NAV3: variants seen among roughly 807,000 people sequenced by gnomAD.
NAV3 encodes the protein neuron navigator 3, also known as pore membrane and/or filament interacting like protein 1.
NAV3 carries 87 observed loss-of-function variants against 244.7 expected under a neutral mutation model. The observed-to-expected ratio is 0.36, with a 90% CI of 0.30 to 0.42. The LOEUF is 0.42. Ranked by LOEUF, NAV3 falls within the 20% of genes least tolerant of loss-of-function variation. The pLI is 1.00. For missense variants in NAV3, 2,663 were observed against 2,893.3 expected, an observed-to-expected ratio of 0.92 and a Z score of 1.83; for synonymous variants, 1,126 against 1,042.2, an observed-to-expected ratio of 1.08 and a Z score of -1.55.
At chr12:77,925,503 G>T (rs140391753) in intron 1 of NAV3, among the ~76,000 whole-genome samples, 25 of 148,782 alleles carry the variant, frequency 1.7e-4, no homozygotes, top group South Asian at 6.5e-4. Context: ...AGCAATTGTG[G>T]TGCATTACAA....
At chr12:77,578,413 G>T (rs1844769) in intron 2 of NAV3, among the ~76,000 whole-genome samples, 18,518 of 152,074 alleles carry the variant, frequency 0.12, 1,823 homozygotes, top group African/African-American at 0.28. Flanking sequence ...GTGGCCTTTA[G>T]TTTCTATCTT....
chr12:77,806,131 T>G (rs190346545), intron 2 of NAV3, among the ~76,000 whole-genome samples: 36 of 152,298 alleles, frequency 2.4e-4, no homozygotes, highest in African/African-American at 8.7e-4. Flanking sequence ...CTGGGTTCAT[T>G]GATTTTTTGA....
chr12:77,626,062 C>T (rs550674188), intron 2 of NAV3, among the ~76,000 whole-genome samples: 10 of 151,936 alleles, frequency 6.6e-5, no homozygotes, highest in Non-Finnish European at 1.3e-4. Context: ...AAAAACAACT[C>T]GTGATCTAAA....
At chr12:78,046,783 C>A (rs1881868111) in intron 9 of NAV3, among the ~76,000 whole-genome samples, 1 of 152,070 alleles carries the variant, frequency 6.6e-6, no homozygotes, top group Non-Finnish European at 1.5e-5. Context: ...TCCTGAATAT[C>A]TTTGTTAATT....
intron 1 of NAV3, among the ~76,000 whole-genome samples, chr12:77,898,761 C>A (rs1017595655): frequency 6.6e-6 from 1 of 152,210 alleles, no homozygotes; most frequent in East Asian, 1.9e-4. Flanking sequence ...AACTCTCACT[C>A]TAAGAAATAC....
chr12:77,883,009 C>T (rs1309046105), intron 1 of NAV3, among the ~76,000 whole-genome samples: 1 of 152,136 alleles, frequency 6.6e-6, no homozygotes, highest in South Asian at 2.1e-4. Context: ...AGGTCAGCCT[C>T]TGTGGAAAGC....
intron 1 of NAV3, among the ~76,000 whole-genome samples, chr12:77,899,095 G>A (rs1420176711): frequency 6.6e-6 from 1 of 152,188 alleles, no homozygotes; most frequent in Non-Finnish European, 1.5e-5. Context: ...GAACAGATGA[G>A]GAGTTGCTTC....
chr12:77,785,004 G>T (rs1870839869), intron 2 of NAV3, among the ~76,000 whole-genome samples: 2 of 152,118 alleles, frequency 1.3e-5, no homozygotes, highest in Admixed American at 1.3e-4. Flanking sequence ...TTGACATTGG[G>T]AGAAGTATCA....
chr12:77,943,941 T>C (rs989087589), intron 3 of NAV3, among the ~76,000 whole-genome samples: 1 of 152,238 alleles, frequency 6.6e-6, no homozygotes, highest in African/African-American at 2.4e-5. Flanking sequence ...GAATCTACAA[T>C]GTATTGATAA....
chr12:77,721,146 C>T (rs954935255), intron 2 of NAV3, among the ~76,000 whole-genome samples: 2 of 152,246 alleles, frequency 1.3e-5, no homozygotes, highest in Middle Eastern at 3.4e-3. Flanking sequence ...ATTCATTTCA[C>T]AGCTCCGAAA....
At chr12:78,033,750 G>A (rs1277892413) in intron 9 of NAV3, among the ~76,000 whole-genome samples, 1 of 152,090 alleles carries the variant, frequency 6.6e-6, no homozygotes, top group Non-Finnish European at 1.5e-5. Context: ...ATTGGACTGA[G>A]CCCATCCTTT....
intron 2 of NAV3, among the ~76,000 whole-genome samples, chr12:77,579,783 A>G (rs984877383): frequency 3.3e-5 from 5 of 152,216 alleles, no homozygotes; most frequent in Admixed American, 2.6e-4. Flanking sequence ...CCAGTAAAAC[A>G]TAGTACAGCA....
intron 2 of NAV3, among the ~76,000 whole-genome samples, chr12:77,711,867 T>G (rs1303798919): frequency 7.2e-5 from 11 of 152,228 alleles, no homozygotes; most frequent in Admixed American, 5.9e-4. Flanking sequence ...TTGATCTTCC[T>G]GCATCCTATT....
At chr12:77,848,727 A>T (rs1482686228) in intron 1 of NAV3, among the ~76,000 whole-genome samples, 3 of 152,180 alleles carry the variant, frequency 2.0e-5, no homozygotes, top group African/African-American at 7.2e-5. Context: ...CAGGATAAAG[A>T]GTTAACTGCC....
chr12:78,035,076 G>A (rs959635331), intron 9 of NAV3, among the ~76,000 whole-genome samples: 68 of 152,094 alleles, frequency 4.5e-4, no homozygotes, highest in African/African-American at 1.5e-3. Flanking sequence ...ACCTTGAAAG[G>A]TGGGGCATAA....
intron 2 of NAV3, among the ~76,000 whole-genome samples, chr12:77,696,781 G>T (rs568239712): frequency 1.3e-5 from 2 of 152,210 alleles, no homozygotes; most frequent in Non-Finnish European, 1.5e-5. Context: ...TACTCTCATT[G>T]TTCACCTGTT....
intron 2 of NAV3, among the ~76,000 whole-genome samples, chr12:77,738,869 G>T (rs765701819): frequency 4.6e-5 from 7 of 151,964 alleles, no homozygotes; most frequent in Non-Finnish European, 1.0e-4. Flanking sequence ...AAAATTAGCC[G>T]GGCTTGGGGG....
Position 78,007,326 on chromosome 12 carries a change from C to T in NAV3, c.1788C>T (p.Ser596=). The T allele has an allele frequency of 6.2e-7, 1 of 1,614,218 alleles. No individual in the cohort carries two copies. The highest frequency in any genetic ancestry group is 8.5e-7 in the Non-Finnish European group (1 of 1,180,040). The change falls in exon 8 of 40, where the codon TCC becomes TCT. Residue 596 remains serine, a synonymous_variant. Coordinates refer to ENST00000397909, the MANE Select transcript of NAV3 (RefSeq NM_001024383.2). ...CTGGCCAAGCTTCTCCTTCTGGTTC[C>T]TGTACCATGACAGTGGCACAAAGCA... ...REAGQASPSG[S]CTMTVAQSSG... is the part of the protein sequence containing the mutation.
intron 2 of NAV3, among the ~76,000 whole-genome samples, chr12:77,584,799 T>C (rs1869524335): frequency 6.6e-6 from 1 of 152,242 alleles, no homozygotes; most frequent in South Asian, 2.1e-4. Context: ...ATATGGCTTG[T>C]ATAAAAAATT....
Sources: allele counts gnomAD v4.1 joint callset (sites outside exome capture counted in the v4.1 genomes callset), GRCh38; gene constraint gnomAD v4.1.1; transcripts MANE v1.5; gene names NCBI Gene and HGNC (gene_info 2026-07-23, HGNC 2026-07-21).